The following COL20A1 variants were observed in gnomAD, a reference collection of about 807,000 sequenced individuals.
COL20A1 encodes collagen alpha-1(XX) chain.
A neutral mutation model predicts 152.9 loss-of-function variants in COL20A1; 164 were observed. The ratio of observed to expected loss-of-function variants is 1.07; its 90% confidence interval spans 0.94 to 1.22. The LOEUF (loss-of-function observed/expected upper bound fraction) is 1.22, where lower values mean the gene tolerates loss of function less well. Among genes scored for constraint, COL20A1 ranks in the 50% most tolerant of loss-of-function variants. The pLI, the probability that COL20A1 is intolerant of heterozygous loss-of-function variation, is 0.00. For synonymous variants in COL20A1, 864 were observed against 756.0 expected (o/e 1.14, Z -2.34); for missense variants, 1,873 against 1,744.8 (o/e 1.07, Z -1.31).
chr20:63,325,148 T>TC, intron 27 of COL20A1: 1 of 568,286 alleles, frequency 1.8e-6, no homozygotes, highest in Non-Finnish European at 3.3e-6. Flanking sequence ...TGGAGGTGTC[T>TC]CCATGTCGGT....
intron 27 of COL20A1, 150 bp from the exon 28 acceptor site, chr20:63,325,291 A>G (rs1337460965): frequency 2.8e-6 from 2 of 722,188 alleles, no homozygotes; most frequent in South Asian, 1.5e-5. Flanking sequence ...CCACCCGGAC[A>G]GATGGGACCA....
chr20:63,326,559 C>A (rs920814000), intron 30 of COL20A1, among the ~76,000 whole-genome samples, 193 bp from the exon 31 acceptor site: 3 of 152,080 alleles, frequency 2.0e-5, no homozygotes, highest in Non-Finnish European at 4.4e-5. Flanking sequence ...GGGTGCAGGG[C>A]ATGGGGAGCC....
rs375988776 is a variant in COL20A1, at chr20:63,309,899, G to A, written c.1247G>A (p.Gly416Asp). The A allele has an allele frequency of 1.2e-6, 2 of 1,606,402 alleles. No individual in the cohort carries two copies. The highest frequency in any genetic ancestry group is 1.3e-5 in the African/African-American group (1 of 74,930). ...CTGATCGTTTGGCGAGCCTCTAGAG[G>A]TGGCACCCCCAGGGAGGTGAGGGGG... The part of the protein sequence containing the change: ...KYLIVWRASR[G>D]GTPREVVVEG... Residue 416 changes from glycine to aspartate, a missense_variant, in exon 10 of 36, where the codon GGT (glycine) becomes GAT (aspartate). Gly to Asp is a moderately conservative substitution (Grantham distance 94). Transcript: ENST00000358894.
intron 27 of COL20A1, among the ~76,000 whole-genome samples, chr20:63,323,874 C>T (rs905593622): frequency 6.6e-6 from 1 of 152,184 alleles, no homozygotes. Context: ...TCGACTTATC[C>T]GTTTAACCTA....
intron 20 of COL20A1, among the ~76,000 whole-genome samples, chr20:63,315,732 G>A (rs79801519): frequency 6.6e-6 from 1 of 152,198 alleles, no homozygotes; most frequent in Non-Finnish European, 1.5e-5. Context: ...CTGCTGACTG[G>A]AGCTGGGGGT....
rs768533979 is a variant in COL20A1 at position 63,320,138 on chromosome 20, G to A, written c.3016G>A (p.Gly1006Ser). 5.8e-5 allele frequency: 90 copies of A among 1,548,864 alleles called. No homozygotes were observed. The highest frequency in any genetic ancestry group is 1.9e-4 in the East Asian group (8 of 41,116). Residue 1006 changes from glycine (G) to serine (S), a missense_variant, in exon 24 of 36, where the codon GGC becomes AGC. By Grantham distance (56) the Gly-to-Ser change is moderately conservative. Coordinates refer to ENST00000358894, the MANE Select transcript of COL20A1 (RefSeq NM_020882.4). Reference sequence around the variant, plus strand: ...GGAGATGGGCAGCCCACCCGCTGCGGGCTTCGTCACGCTGGGGAGGCTGGC... The same window carrying A: ...GGAGATGGGCAGCCCACCCGCTGCGAGCTTCGTCACGCTGGGGAGGCTGGC... ...LGEMGSPPAA[G>S]FVTLGRLAKA...
Position 63,331,526 on chromosome 20 carries a change from C to G in COL20A1, c.*810C>G, listed in dbSNP as rs2068333828. 1 of 152,320 alleles carries G rather than the reference C, an allele frequency of 6.6e-6. No individual in the cohort carries two copies. The highest frequency in any genetic ancestry group is 1.5e-5 in the Non-Finnish European group (1 of 68,120). The allele number at this position is 152,320 out of a possible 1,614,324, so 9.4% of individuals were successfully genotyped here. A position where few individuals can be genotyped will look rare whatever the true frequency, so the allele number is the denominator to read the frequency against. ...CTGTGCGCTCCTCAGCACCTCTGCC[C>G]AGGTCTCTCCCAACCATCACAGACG... On this transcript the variant is annotated 3_prime_UTR_variant, in exon 36 of 36. Coordinates refer to ENST00000358894, the MANE Select transcript of COL20A1 (RefSeq NM_020882.4).
rs2067960965 is a variant in COL20A1 at position 63,308,567 on chromosome 20, G to A, written c.801G>A (p.Gly267=). The A allele has an allele frequency of 6.2e-7, 1 of 1,604,646 alleles. No homozygotes were observed. Among genetic ancestry groups the A allele is most frequent in the Non-Finnish European group, 8.5e-7 (1 of 1,176,162 alleles). ...FTGLALTHVL[G]QNLQPAAGLR... The stretch of plus-strand genomic sequence containing the variant: ...GCCTTGCCCTGACCCACGTGCTGGG[G>A]CAGAACCTGCAGCCGGCGGCTGGCC... Residue 267 remains glycine (G), a synonymous_variant, in exon 8 of 36, where the codon GGG becomes GGA. Transcript: ENST00000358894.
chr20:63,320,410 G>C (rs777106252), intron 25 of COL20A1, 42 bp downstream of exon 25: 2 of 1,586,316 alleles, frequency 1.3e-6, no homozygotes, highest in Non-Finnish European at 1.7e-6. Context: ...AGCAAGTTAG[G>C]GCAAGTGCCC....
rs752845684 is a variant in COL20A1 at position 63,297,936 on chromosome 20, C to G, written c.109C>G (p.Leu37Val). 8.7e-6 allele frequency: 14 copies of G among 1,613,380 alleles called. No individual in the cohort carries two copies. The highest frequency in any genetic ancestry group is 1.7e-4 in the Middle Eastern group (1 of 6,058). ...AAGCGGTCTCCTGAGGCTGGCTGTGCTGCCTGAGGACCGGCTGCAGATGAA... is the reference window on the plus strand; with the variant it reads ...AAGCGGTCTCCTGAGGCTGGCTGTGGTGCCTGAGGACCGGCTGCAGATGAA... ...QASGLLRLAVLPEDRLQMKWR... is the reference protein window; with the variant it reads ...QASGLLRLAVVPEDRLQMKWR... The change falls in exon 3 of 36, where the codon CTG becomes GTG. Residue 37 changes from leucine to valine, a missense_variant. By Grantham distance (32) the Leu-to-Val change is conservative. Transcript: ENST00000358894.
chr20:63,321,974 A>G lies in COL20A1; in HGVS notation c.3241-84A>G, dbSNP rs1456887182. On this transcript the variant is annotated intron_variant, in intron 26 of 35. Coordinates refer to ENST00000358894, the MANE Select transcript of COL20A1 (RefSeq NM_020882.4). ...TGGGGCATGGGGCTCAGGGTGGGCC[A>G]GGCATGGGGCTCAGGGGCTGGTCTT... The G allele has an allele frequency of 6.2e-6, 7 of 1,138,166 alleles. No homozygotes were observed. The East Asian group carries it at 8.7e-5, about 14-fold the overall frequency. 70.5% of individuals were successfully genotyped at this position (1,138,166 alleles called of 1,614,324 possible).
chr20:63,312,654 T>A, intron 15 of COL20A1, 105 bp downstream of exon 15: 1 of 1,466,138 alleles, frequency 6.8e-7, no homozygotes, highest in South Asian at 1.3e-5. Context: ...CCTGGGTCAG[T>A]GCTGAGCCAG....
At position 63,319,363 on chromosome 20, in the gene COL20A1, G is replaced by A; in HGVS notation, c.2807-124G>A. Reference sequence around the variant, plus strand: ...CGGGCAGGGGGCTGTGGGCCACATTGAGGGTCACCTCCAGCTTGGCACCCT... The same window carrying A: ...CGGGCAGGGGGCTGTGGGCCACATTAAGGGTCACCTCCAGCTTGGCACCCT... On this transcript the variant is annotated intron_variant, in intron 22 of 35. Coordinates refer to ENST00000358894, the MANE Select transcript of COL20A1 (RefSeq NM_020882.4). The surrounding 1 kb of genome is among the most constrained non-coding windows in gnomAD (Gnocchi z 4.4). 9.3e-7 allele frequency: 1 copy of A among 1,073,156 alleles called. No homozygotes were observed. The highest frequency in any genetic ancestry group is 1.3e-6 in the Non-Finnish European group (1 of 746,866). 66.5% of individuals were successfully genotyped at this position (1,073,156 alleles called of 1,614,324 possible).
chr20:63,309,297 A>G (rs2067971336), intron 8 of COL20A1, 36 bp from the exon 9 acceptor site: 2 of 1,408,718 alleles, frequency 1.4e-6, no homozygotes, highest in Admixed American at 2.8e-5. Flanking sequence ...GGGTGACCCC[A>G]GTGCAGGCCA....
chr20:63,318,773 T>G (rs2068117392), intron 21 of COL20A1, among the ~76,000 whole-genome samples: 1 of 152,120 alleles, frequency 6.6e-6, no homozygotes, highest in Non-Finnish European at 1.5e-5. Flanking sequence ...ATTCTGTCCT[T>G]TATGTACCCC....
At chr20:63,308,181 C>G (rs1373572196) in intron 7 of COL20A1, 91 bp downstream of exon 7, 6 of 1,494,466 alleles carry the variant, frequency 4.0e-6, no homozygotes, top group Non-Finnish European at 5.5e-6. Context: ...GTAAATCGAG[C>G]TCCAAGTGGT....
chr20:63,302,032 A>G (rs1361267100), intron 3 of COL20A1, among the ~76,000 whole-genome samples: 3 of 152,234 alleles, frequency 2.0e-5, no homozygotes, highest in Non-Finnish European at 4.4e-5. Flanking sequence ...GCAAAAGAAG[A>G]GACCATAGTA....
At chr20:63,330,365 G>A (rs922136872) in intron 35 of COL20A1, among the ~76,000 whole-genome samples, 2 of 152,146 alleles carry the variant, frequency 1.3e-5, no homozygotes, top group African/African-American at 4.8e-5. Flanking sequence ...ACTCGGCAGG[G>A]GCTAGGAGGG....
At position 63,326,801 on chromosome 20, in the gene COL20A1, C is replaced by T; in HGVS notation, c.3506C>T (p.Pro1169Leu). The T allele has an allele frequency of 6.7e-7, 1 of 1,502,994 alleles. No homozygotes were observed. The highest frequency in any genetic ancestry group is 8.8e-7 in the Non-Finnish European group (1 of 1,138,282). The allele number at this position is 1,502,994 out of a possible 1,614,324, so 93.1% of individuals were successfully genotyped here. A position where few individuals can be genotyped will look rare whatever the true frequency, so the allele number is the denominator to read the frequency against. The change falls in exon 31 of 36, where the codon CCT (proline) becomes CTT (leucine). Residue 1169 changes from proline to leucine, a missense_variant. Coordinates refer to ENST00000358894, the MANE Select transcript of COL20A1 (RefSeq NM_020882.4). ...AGGGGCACTAGTGGAGAGCGAGGACCTCCAGGGACCGTGGGGCCCACAGTA... is the reference window on the plus strand; with the variant it reads ...AGGGGCACTAGTGGAGAGCGAGGACTTCCAGGGACCGTGGGGCCCACAGTA... ...GARGTSGERG[P>L]PGTVGPTGLP...
Sources: allele counts gnomAD v4.1 joint callset (sites outside exome capture counted in the v4.1 genomes callset), GRCh38; gene constraint gnomAD v4.1.1; non-coding constraint Gnocchi (gnomAD v3.1); transcripts MANE v1.5; gene names NCBI Gene and HGNC (gene_info 2026-07-23, HGNC 2026-07-21).